The following TMEM163 variants were observed in gnomAD, a reference collection of about 807,000 sequenced individuals.
TMEM163 encodes transmembrane protein 163.
Under a neutral mutation model 29.3 loss-of-function variants are expected in TMEM163, and 17 were observed. The observed-to-expected ratio is 0.58, with a 90% CI of 0.40 to 0.87. The LOEUF is 0.87. Among genes scored for constraint, TMEM163 ranks in the 40% least tolerant of loss-of-function variants. The pLI, the probability that TMEM163 is intolerant of heterozygous loss-of-function variation, is 0.00. For missense variants in TMEM163, 303 were observed against 381.5 expected, an observed-to-expected ratio of 0.79 and a Z score of 1.71; for synonymous variants, 157 against 160.6, an observed-to-expected ratio of 0.98 and a Z score of 0.17.
intron 4 of TMEM163, among the ~76,000 whole-genome samples, chr2:134,521,116 A>G (rs776960987): frequency 1.1e-4 from 16 of 152,036 alleles, no homozygotes; most frequent in Admixed American, 3.9e-4. Context: ...CTCCTGCCTC[A>G]GCCTCCTGAG....
chr2:134,598,250 C>A (rs554092056), intron 2 of TMEM163, among the ~76,000 whole-genome samples: 130 of 152,314 alleles, frequency 8.5e-4, no homozygotes, highest in African/African-American at 3.0e-3. Context: ...GTCCTTCCTT[C>A]ATTTCACCAG....
intron 2 of TMEM163, among the ~76,000 whole-genome samples, chr2:134,594,285 T>G (rs1574265370): frequency 2.1e-5 from 3 of 143,292 alleles, no homozygotes; most frequent in African/African-American, 2.6e-5. Context: ...AGAGAGGGGG[T>G]GGGAAATGTT....
intron 2 of TMEM163, among the ~76,000 whole-genome samples, chr2:134,585,741 CA>C (rs35588366): frequency 6.1e-4 from 87 of 141,610 alleles, no homozygotes; most frequent in Non-Finnish European, 6.2e-4. Context: ...GACTCCGTCT[CA>C]AAAAAAAAAA....
chr2:134,650,409 G>A (rs79326777), intron 2 of TMEM163, among the ~76,000 whole-genome samples: 12,681 of 151,688 alleles, frequency 0.084, 603 homozygotes, highest in South Asian at 0.16. Context: ...AAACTTGAAA[G>A]ATTTATTTTT....
At chr2:134,706,145 A>G (rs1219122294) in intron 2 of TMEM163, among the ~76,000 whole-genome samples, 1 of 152,220 alleles carries the variant, frequency 6.6e-6, no homozygotes, top group East Asian at 1.9e-4. Flanking sequence ...TAACAGCCTC[A>G]GGCAAGTCCC....
chr2:134,672,708 C>G (rs1217448183), intron 2 of TMEM163, among the ~76,000 whole-genome samples: 1 of 152,106 alleles, frequency 6.6e-6, no homozygotes, highest in Non-Finnish European at 1.5e-5. Flanking sequence ...CCCTCCCAAC[C>G]CACAATAACC....
At chr2:134,549,339 A>G (rs1052774786) in intron 4 of TMEM163, among the ~76,000 whole-genome samples, 2 of 152,216 alleles carry the variant, frequency 1.3e-5, no homozygotes, top group African/African-American at 4.8e-5. Context: ...ATGGCCTAAC[A>G]TCCCATTCAA....
At chr2:134,596,147 T>C (rs1035657197) in intron 2 of TMEM163, among the ~76,000 whole-genome samples, 2 of 152,236 alleles carry the variant, frequency 1.3e-5, no homozygotes, top group Non-Finnish European at 2.9e-5. Context: ...TTGGCTTTTG[T>C]TGCCATTGCT....
chr2:134,670,034 C>G (rs113944449), intron 2 of TMEM163, among the ~76,000 whole-genome samples: 5 of 152,122 alleles, frequency 3.3e-5, no homozygotes, highest in African/African-American at 1.2e-4. Context: ...CCTGCCCCAC[C>G]GAAACCATAA....
At chr2:134,679,173 G>A (rs1684179768) in intron 2 of TMEM163, among the ~76,000 whole-genome samples, 1 of 152,232 alleles carries the variant, frequency 6.6e-6, no homozygotes, top group African/African-American at 2.4e-5. Context: ...GGGGACACAA[G>A]GATGGAGGTA....
chr2:134,599,557 C>T (rs184679125), intron 2 of TMEM163, among the ~76,000 whole-genome samples: 9 of 152,174 alleles, frequency 5.9e-5, no homozygotes, highest in African/African-American at 2.2e-4. Flanking sequence ...TTCCAGTCTC[C>T]AGGACTATGA....
intron 4 of TMEM163, among the ~76,000 whole-genome samples, chr2:134,535,210 T>G (rs1680506777): frequency 6.6e-6 from 1 of 152,212 alleles, no homozygotes; most frequent in Non-Finnish European, 1.5e-5. Context: ...CATGTCTTGG[T>G]TGTTCACAGG....
chr2:134,511,153 CGG>C (rs10639023), intron 4 of TMEM163, among the ~76,000 whole-genome samples: 1 of 122,396 alleles, frequency 8.2e-6, no homozygotes, highest in African/African-American at 3.7e-5. Flanking sequence ...GAGAACAAGG[CGG>C]GGGGGGGTGC....
At chr2:134,699,047 T>C (rs1574348236) in intron 2 of TMEM163, among the ~76,000 whole-genome samples, 2 of 152,270 alleles carry the variant, frequency 1.3e-5, no homozygotes, top group East Asian at 3.9e-4. Flanking sequence ...TTTTTTTAAA[T>C]GAAAAAGGAT....
At chr2:134,521,111 G>A (rs556251942) in intron 4 of TMEM163, among the ~76,000 whole-genome samples, 1 of 151,956 alleles carries the variant, frequency 6.6e-6, no homozygotes, top group South Asian at 2.1e-4. Flanking sequence ...CAATTCTCCT[G>A]CCTCAGCCTC....
intron 2 of TMEM163, among the ~76,000 whole-genome samples, chr2:134,673,561 C>G (rs1684040305): frequency 6.6e-6 from 1 of 152,116 alleles, no homozygotes; most frequent in African/African-American, 2.4e-5. Flanking sequence ...AGCTAAGGAT[C>G]CTGAGATGAC....
At chr2:134,600,452 C>T (rs779624413) in intron 2 of TMEM163, among the ~76,000 whole-genome samples, 3 of 152,192 alleles carry the variant, frequency 2.0e-5, no homozygotes, top group Non-Finnish European at 4.4e-5. Context: ...CACACATACA[C>T]AAAATCAGTA....
chr2:134,503,111 C>T, intron 4 of TMEM163, 114 bp from the exon 5 acceptor site: 1 of 1,046,722 alleles, frequency 9.6e-7, no homozygotes, highest in Non-Finnish European at 1.4e-6. Context: ...TTGTAATTTG[C>T]CACACCCCCA....
At chr2:134,672,553 T>C (rs1164662433) in intron 2 of TMEM163, among the ~76,000 whole-genome samples, 1 of 152,188 alleles carries the variant, frequency 6.6e-6, no homozygotes, top group Non-Finnish European at 1.5e-5. Context: ...TTTTATTTTT[T>C]TTTTGTAGAG....
Sources: gnomAD v4.1 joint callset for allele counts (sites outside exome capture counted in the v4.1 genomes callset) on GRCh38, gnomAD v4.1.1 for gene constraint, MANE v1.5 for transcripts, NCBI Gene and HGNC (gene_info 2026-07-23, HGNC 2026-07-21) for gene names.